The following ATF7IP variants were observed in gnomAD, a reference collection of about 807,000 sequenced individuals.
The protein encoded by ATF7IP is activating transcription factor 7-interacting protein 1.
A neutral mutation model predicts 106.4 loss-of-function variants in ATF7IP; 23 were observed. The ratio of observed to expected loss-of-function variants is 0.22; its 90% CI spans 0.16 to 0.31. The LOEUF is 0.31. ATF7IP is among the 10% of genes least tolerant of loss of function. The pLI is 1.00. For synonymous variants in ATF7IP, 542 were observed against 539.0 expected, an observed-to-expected ratio of 1.01 and a Z score of -0.08; for missense variants, 1,334 against 1,524.3, an observed-to-expected ratio of 0.88 and a Z score of 2.08.
intron 1 of ATF7IP, among the ~76,000 whole-genome samples, chr12:14,405,977 A>G (rs1304708425): frequency 6.6e-6 from 1 of 152,252 alleles, no homozygotes; most frequent in Non-Finnish European, 1.5e-5. Context: ...AAAACTGGCC[A>G]GTATGAGCAA....
chr12:14,374,691 T>C (rs1460805405), intron 1 of ATF7IP, among the ~76,000 whole-genome samples: 1 of 152,152 alleles, frequency 6.6e-6, no homozygotes, highest in African/African-American at 2.4e-5. Flanking sequence ...TTCAAAATCT[T>C]AGAGCCAGAA....
At chr12:14,386,862 A>G (rs1443438923) in intron 1 of ATF7IP, among the ~76,000 whole-genome samples, 4 of 152,126 alleles carry the variant, frequency 2.6e-5, no homozygotes, top group Non-Finnish European at 5.9e-5. Flanking sequence ...TGTCTTCGTT[A>G]TGTTGATTTT....
At chr12:14,465,853 T>G (rs532302027) in intron 9 of ATF7IP, among the ~76,000 whole-genome samples, 17 of 152,136 alleles carry the variant, frequency 1.1e-4, no homozygotes, top group Non-Finnish European at 1.9e-4. Context: ...GATGGGCTGT[T>G]TCAACATTTA....
chr12:14,470,238 T>A (rs1457077573), intron 10 of ATF7IP, among the ~76,000 whole-genome samples: 1 of 152,240 alleles, frequency 6.6e-6, no homozygotes, highest in Non-Finnish European at 1.5e-5. Flanking sequence ...TATATTCTTG[T>A]TTCATTACAA....
At chr12:14,463,052 G>C (rs1943702118) in intron 9 of ATF7IP, among the ~76,000 whole-genome samples, 1 of 151,836 alleles carries the variant, frequency 6.6e-6, no homozygotes, top group Non-Finnish European at 1.5e-5. Flanking sequence ...ATTTGATCAG[G>C]TATAATTTCA....
At chr12:14,399,713 C>T (rs1279323543) in intron 1 of ATF7IP, among the ~76,000 whole-genome samples, 5 of 151,530 alleles carry the variant, frequency 3.3e-5, no homozygotes, top group Admixed American at 6.6e-5. Flanking sequence ...GTAATATCTT[C>T]TCATACACTT....
At chr12:14,479,502 G>A (rs889975123) in intron 12 of ATF7IP, among the ~76,000 whole-genome samples, 1 of 152,060 alleles carries the variant, frequency 6.6e-6, no homozygotes, top group Non-Finnish European at 1.5e-5. Flanking sequence ...GGAAAACATT[G>A]AATTTAAGTG....
intron 10 of ATF7IP, among the ~76,000 whole-genome samples, chr12:14,468,276 A>G (rs561368754): frequency 6.6e-6 from 1 of 150,420 alleles, no homozygotes; most frequent in East Asian, 1.9e-4. Flanking sequence ...CCATCTCAAA[A>G]AAAAAAAAAA....
chr12:14,469,815 CAA>C (rs1943973404), intron 10 of ATF7IP, among the ~76,000 whole-genome samples: 1 of 152,188 alleles, frequency 6.6e-6, no homozygotes, highest in South Asian at 2.1e-4. Context: ...AGAGATCAGG[CAA>C]AGACTTCCAA....
At chr12:14,419,984 G>T (rs1188094307) in intron 1 of ATF7IP, 1 of 152,210 alleles carries the variant, frequency 6.6e-6, no homozygotes, top group African/African-American at 2.4e-5. Context: ...ATCTCAAGCT[G>T]AATTGGCTTC....
At chr12:14,422,841 G>A (rs1387185288) in intron 1 of ATF7IP, among the ~76,000 whole-genome samples, 2 of 152,158 alleles carry the variant, frequency 1.3e-5, no homozygotes, top group African/African-American at 4.8e-5. Context: ...GCCATTATGA[G>A]TAGTGCCTCT....
intron 2 of ATF7IP, among the ~76,000 whole-genome samples, chr12:14,426,529 CTTTT>C (rs200611526): frequency 1.5e-5 from 2 of 131,762 alleles, no homozygotes; most frequent in Non-Finnish European, 1.6e-5. Flanking sequence ...TAAAAAATGG[CTTTT>C]TTTTTTTTTT....
intron 1 of ATF7IP, among the ~76,000 whole-genome samples, chr12:14,376,154 A>G (rs879908524): frequency 6.6e-6 from 1 of 152,242 alleles, no homozygotes; most frequent in Non-Finnish European, 1.5e-5. Flanking sequence ...ATTGATTGTC[A>G]TATCTGCAAG....
Position 14,481,016 on chromosome 12 carries a change from G to T in ATF7IP, c.3111G>T (p.Val1037=), listed in dbSNP as rs1944410958. 3 of 1,613,616 alleles carry T rather than the reference G, an allele frequency of 1.9e-6. No individual in the cohort carries two copies. The South Asian group carries it at 3.3e-5, about 18-fold the overall frequency. The change falls in exon 13 of 15, where the codon GTG becomes GTT. Residue 1037 remains valine, a synonymous_variant. Coordinates refer to ENST00000261168, the MANE Select transcript of ATF7IP (RefSeq NM_018179.5). ...IHLLPTAPTT[V]NVTHRPVTQV... is the part of the protein sequence containing the mutation. Reference sequence around the variant, plus strand: ...GCCTTGCATTAGCTCCAACTACCGTGAATGTAACACATCGTCCAGTAACTC... The same window carrying T: ...GCCTTGCATTAGCTCCAACTACCGTTAATGTAACACATCGTCCAGTAACTC...
intron 1 of ATF7IP, among the ~76,000 whole-genome samples, chr12:14,402,408 A>G (rs1482022322): frequency 2.6e-5 from 4 of 151,982 alleles, no homozygotes; most frequent in Admixed American, 2.6e-4. Context: ...GATTATAGGC[A>G]TAAGCCACCA....
At chr12:14,417,300 A>G (rs943119479) in intron 1 of ATF7IP, among the ~76,000 whole-genome samples, 1 of 152,160 alleles carries the variant, frequency 6.6e-6, no homozygotes, top group Non-Finnish European at 1.5e-5. Context: ...GGTTGTCCAG[A>G]ATCAGACATT....
At chr12:14,434,518 A>G in intron 3 of ATF7IP, 95 bp downstream of exon 3, 1 of 869,562 alleles carries the variant, frequency 1.2e-6, no homozygotes, top group South Asian at 1.7e-5. Flanking sequence ...TGCCCATGAA[A>G]TAATTGTAAA....
At chr12:14,449,725 A>C (rs1191594880) in intron 6 of ATF7IP, among the ~76,000 whole-genome samples, 1 of 151,866 alleles carries the variant, frequency 6.6e-6, no homozygotes, top group Non-Finnish European at 1.5e-5. Flanking sequence ...GGAAAAAAAA[A>C]ACAAACCCAC....
chr12:14,376,854 A>C (rs1938757269), intron 1 of ATF7IP, among the ~76,000 whole-genome samples: 1 of 152,188 alleles, frequency 6.6e-6, no homozygotes, highest in South Asian at 2.1e-4. Context: ...TGAATCCGGA[A>C]GGCAGAGGTT....
Sources: gnomAD v4.1 joint callset for allele counts (sites outside exome capture counted in the v4.1 genomes callset) on GRCh38, gnomAD v4.1.1 for gene constraint, MANE v1.5 for transcripts, NCBI Gene and HGNC (gene_info 2026-07-23, HGNC 2026-07-21) for gene names.